Variants in PIAS2 observed in about 807,000 individuals in gnomAD.
PIAS2 encodes E3 SUMO-protein ligase PIAS2.
A neutral mutation model predicts 69.7 loss-of-function variants in PIAS2; 19 were observed. The ratio of observed to expected loss-of-function variants is 0.27; its 90% CI spans 0.19 to 0.40. PIAS2 has a LOEUF of 0.40. PIAS2 is among the 10% of genes least tolerant of loss of function. PIAS2 has a pLI of 1.00. For synonymous variants in PIAS2, 261 were observed against 263.2 expected, an observed-to-expected ratio of 0.99 and a Z score of 0.08; for missense variants, 624 against 757.0, an observed-to-expected ratio of 0.82 and a Z score of 2.06.
chr18:46,821,906 AT>A (rs999498235), intron 11 of PIAS2, among the ~76,000 whole-genome samples: 1 of 151,968 alleles, frequency 6.6e-6, no homozygotes. Context: ...TTAAACAGAG[AT>A]TTTTTTTGCA....
In PIAS2 at chr18:46,803,646, A is replaced by G. The variant is rs2040566016; in HGVS notation, c.*8787T>C. ...TTCCAGTTCCAAAGTATTGAGTCTAATAATGATTTGGGTCAGGTGGCTAGC... is the reference window on the plus strand; with the variant it reads ...TTCCAGTTCCAAAGTATTGAGTCTAGTAATGATTTGGGTCAGGTGGCTAGC... On this transcript the variant is annotated 3_prime_UTR_variant, in exon 14 of 14. Transcript: ENST00000585916. 6.6e-6 allele frequency: 1 copy of G among 152,246 alleles called. No homozygotes were observed. The highest frequency in any genetic ancestry group is 2.1e-4 in the South Asian group (1 of 4,820). 9.4% of individuals were successfully genotyped at this position (152,246 alleles called of 1,614,324 possible).
At chr18:46,820,401 C>T (rs1432630934) in intron 12 of PIAS2, among the ~76,000 whole-genome samples, 1 of 152,068 alleles carries the variant, frequency 6.6e-6, no homozygotes, top group African/African-American at 2.4e-5. Context: ...CAGACATTTA[C>T]TGGGGGTCCT....
intron 1 of PIAS2, among the ~76,000 whole-genome samples, chr18:46,897,438 T>G (rs142870881): frequency 6.6e-6 from 1 of 152,290 alleles, no homozygotes; most frequent in Non-Finnish European, 1.5e-5. Context: ...TGAGAAAATT[T>G]GAGCATCAAA....
At chr18:46,861,485 C>T (rs989809391) in intron 3 of PIAS2, among the ~76,000 whole-genome samples, 2 of 152,106 alleles carry the variant, frequency 1.3e-5, no homozygotes, top group African/African-American at 4.8e-5. Context: ...TATTTATCAA[C>T]AAAGGAACAA....
chr18:46,866,868 T>C (rs1006967347), intron 2 of PIAS2, among the ~76,000 whole-genome samples: 4 of 152,168 alleles, frequency 2.6e-5, no homozygotes, highest in African/African-American at 9.7e-5. Context: ...GCAGCAGGTA[T>C]CTACACCTGT....
chr18:46,877,394 C>A (rs557581187), intron 2 of PIAS2, among the ~76,000 whole-genome samples: 3 of 152,160 alleles, frequency 2.0e-5, no homozygotes, highest in African/African-American at 7.2e-5. Flanking sequence ...TTCTAAGCTA[C>A]CTGCTCTGTA....
intron 9 of PIAS2, among the ~76,000 whole-genome samples, chr18:46,832,360 G>A (rs972987085): frequency 6.6e-6 from 1 of 151,790 alleles, no homozygotes; most frequent in African/African-American, 2.4e-5. Context: ...AGGTTGCGCT[G>A]AGCTGAGATC....
chr18:46,862,702 C>T (rs1003066120), intron 3 of PIAS2, among the ~76,000 whole-genome samples: 14 of 151,766 alleles, frequency 9.2e-5, no homozygotes, highest in Non-Finnish European at 1.6e-4. Flanking sequence ...TATATATACA[C>T]ATATATGTAT....
At chr18:46,897,851 A>G (rs2055138958) in intron 1 of PIAS2, among the ~76,000 whole-genome samples, 1 of 152,096 alleles carries the variant, frequency 6.6e-6, no homozygotes. Flanking sequence ...AAAATTCTAG[A>G]TAATACAAGG....
In PIAS2 at chr18:46,846,835, C is replaced by T. The variant is rs749419957; in HGVS notation, c.733G>A (p.Ala245Thr). Residue 245 changes from alanine (A) to threonine (T), a missense_variant, in exon 6 of 14, where the codon GCA becomes ACA. Transcript: ENST00000585916. ...NGKLFPLPGY[A>T]PPPKNGIEQK... ...TCAATCCCATTTTTAGGCGGTGGTG[C>T]ATAGCCCTATAACCGTAAGAAAGAA... 1.9e-6 allele frequency: 3 copies of T among 1,602,430 alleles called. No individual in the cohort carries two copies. Among genetic ancestry groups the T allele is most frequent in the East Asian group, 2.2e-5 (1 of 44,596 alleles).
At chr18:46,914,259 T>A (rs2057557910) in intron 1 of PIAS2, among the ~76,000 whole-genome samples, 1 of 152,148 alleles carries the variant, frequency 6.6e-6, no homozygotes, top group African/African-American at 2.4e-5. Flanking sequence ...TTCCTTTCCT[T>A]CAATCCATCA....
intron 8 of PIAS2, among the ~76,000 whole-genome samples, chr18:46,842,826 C>A (rs2045620909): frequency 6.6e-6 from 1 of 152,162 alleles, no homozygotes; most frequent in Admixed American, 6.5e-5. Flanking sequence ...CCTACTGGAA[C>A]TGCACACCTC....
In PIAS2 at chr18:46,803,459, T is replaced by C. The variant is rs12458649; in HGVS notation, c.*8974A>G. Reference sequence around the variant, plus strand: ...CAGCTGCTGCTTCTTGATTTCCTTGTGTTCCTTTTCCAGTCTTCTTTTCTC... The same window carrying C: ...CAGCTGCTGCTTCTTGATTTCCTTGCGTTCCTTTTCCAGTCTTCTTTTCTC... On this transcript the variant is annotated 3_prime_UTR_variant, in exon 14 of 14. Coordinates refer to ENST00000585916, the MANE Select transcript of PIAS2 (RefSeq NM_004671.5). 6.6e-6 allele frequency: 1 copy of C among 152,278 alleles called. No individual in the cohort carries two copies. The highest frequency in any genetic ancestry group is 1.5e-5 in the Non-Finnish European group (1 of 68,050). The allele number at this position is 152,278 out of a possible 1,614,324, so 9.4% of individuals were successfully genotyped here. A position where few individuals can be genotyped will look rare whatever the true frequency, so the allele number is the denominator to read the frequency against.
intron 1 of PIAS2, among the ~76,000 whole-genome samples, chr18:46,905,338 C>A (rs1428369670): frequency 6.6e-5 from 10 of 152,192 alleles, no homozygotes; most frequent in African/African-American, 2.4e-4. Flanking sequence ...AAATATCACA[C>A]ACATCAAAAC....
At chr18:46,832,131 A>C (rs1032662233) in intron 9 of PIAS2, among the ~76,000 whole-genome samples, 6 of 152,198 alleles carry the variant, frequency 3.9e-5, no homozygotes, top group Admixed American at 1.3e-4. Context: ...AAAAGTGGGC[A>C]AAAGGCCAGG....
intron 12 of PIAS2, chr18:46,815,635 C>T (rs1003751319): frequency 9.4e-7 from 1 of 1,066,364 alleles, no homozygotes; most frequent in East Asian, 6.7e-5. Flanking sequence ...CCCCCTTTGC[C>T]GCTTAACAGA....
intron 2 of PIAS2, among the ~76,000 whole-genome samples, chr18:46,876,477 T>C (rs1358381233): frequency 1.3e-5 from 2 of 152,108 alleles, no homozygotes; most frequent in Non-Finnish European, 2.9e-5. Context: ...AGCTAAACAA[T>C]TAGGACCTAC....
At chr18:46,828,825 A>C (rs560602170) in intron 10 of PIAS2, among the ~76,000 whole-genome samples, 1 of 152,324 alleles carries the variant, frequency 6.6e-6, no homozygotes, top group East Asian at 1.9e-4. Flanking sequence ...TATTATCTGT[A>C]ATGTATTTAG....
intron 2 of PIAS2, among the ~76,000 whole-genome samples, chr18:46,866,371 C>A (rs1473156954): frequency 6.6e-6 from 1 of 152,092 alleles, no homozygotes; most frequent in Non-Finnish European, 1.5e-5. Flanking sequence ...GCAATATAGG[C>A]CAGAAGGTAT....
Sources: gnomAD v4.1 joint callset for allele counts (sites outside exome capture counted in the v4.1 genomes callset) on GRCh38, gnomAD v4.1.1 for gene constraint, MANE v1.5 for transcripts, NCBI Gene and HGNC (gene_info 2026-07-23, HGNC 2026-07-21) for gene names.